Variants in COMMD1 observed in about 807,000 individuals in gnomAD.
The protein encoded by COMMD1 is copper metabolism domain containing 1, also known as COMM domain-containing protein 1.
In COMMD1, 10 loss-of-function variants were observed where a neutral mutation model predicts 17.2. That is an observed-to-expected ratio of 0.58 (90% CI 0.36 to 0.99). The LOEUF is 0.99. Ranked by LOEUF, COMMD1 falls within the 50% of genes least tolerant of loss-of-function variation. The pLI is 0.01. For synonymous variants in COMMD1, 97 were observed against 91.6 expected, an observed-to-expected ratio of 1.06 and a Z score of -0.34; for missense variants, 270 against 231.8, an observed-to-expected ratio of 1.17 and a Z score of -1.07.
chr2:62,023,763 G>T (rs535032180), intron 2 of COMMD1, among the ~76,000 whole-genome samples: 1 of 152,294 alleles, frequency 6.6e-6, no homozygotes, highest in East Asian at 1.9e-4. Context: ...GGGATTACAG[G>T]CATGAGCCAC....
At chr2:62,122,245 C>G (rs979016146) in intron 2 of COMMD1, among the ~76,000 whole-genome samples, 5 of 152,158 alleles carry the variant, frequency 3.3e-5, no homozygotes, top group African/African-American at 1.2e-4. Context: ...AGTGCTGGCG[C>G]TTACGTAAAT....
At chr2:61,968,199 C>T (rs1455656158) in intron 1 of COMMD1, among the ~76,000 whole-genome samples, 1 of 151,754 alleles carries the variant, frequency 6.6e-6, no homozygotes, top group East Asian at 1.9e-4. Context: ...TGGTGCCAAA[C>T]ATAGTCTATA....
chr2:62,051,937 T>C (rs1184759716), intron 2 of COMMD1, among the ~76,000 whole-genome samples: 2 of 152,224 alleles, frequency 1.3e-5, no homozygotes, highest in Non-Finnish European at 2.9e-5. Flanking sequence ...CAAATGGCTC[T>C]TCAGACATGC....
At chr2:62,131,590 T>TAG (rs1673035032) in intron 2 of COMMD1, among the ~76,000 whole-genome samples, 3 of 152,168 alleles carry the variant, frequency 2.0e-5, no homozygotes, top group African/African-American at 7.2e-5. Context: ...TTGCCAAGGC[T>TAG]AGAGTCCAGT....
At chr2:61,922,531 G>A (rs570094894) in intron 1 of COMMD1, among the ~76,000 whole-genome samples, 1 of 152,216 alleles carries the variant, frequency 6.6e-6, no homozygotes, top group South Asian at 2.1e-4. Context: ...GGCCAGGCTG[G>A]TCTCAAACTC....
At chr2:62,129,088 A>G (rs1328693026) in intron 2 of COMMD1, among the ~76,000 whole-genome samples, 2 of 152,150 alleles carry the variant, frequency 1.3e-5, no homozygotes, top group Non-Finnish European at 2.9e-5. Flanking sequence ...GCTCTGCTCA[A>G]CCTTGGAGTT....
intron 1 of COMMD1, among the ~76,000 whole-genome samples, chr2:61,930,280 G>A (rs1055737723): frequency 2.6e-5 from 4 of 152,206 alleles, no homozygotes; most frequent in Middle Eastern, 6.8e-3. Context: ...TTCTAAGGCC[G>A]GTCATGGTGG....
intron 2 of COMMD1, among the ~76,000 whole-genome samples, chr2:62,077,721 C>T (rs1558589074): frequency 6.6e-6 from 1 of 151,954 alleles, no homozygotes; most frequent in Admixed American, 6.6e-5. Context: ...TGAGAGTGGT[C>T]ATGGCCCGTG....
At chr2:61,954,369 G>C (rs1308478769) in intron 1 of COMMD1, among the ~76,000 whole-genome samples, 1 of 152,112 alleles carries the variant, frequency 6.6e-6, no homozygotes, top group African/African-American at 2.4e-5. Context: ...TGGTTTATGA[G>C]TTATAGCAGA....
At chr2:62,017,679 G>GAA (rs112202987) in intron 2 of COMMD1, among the ~76,000 whole-genome samples, 1 of 141,998 alleles carries the variant, frequency 7.0e-6, no homozygotes, top group African/African-American at 2.6e-5. Context: ...TCCAAAAAAA[G>GAA]AAAAAAAAAA....
chr2:61,917,711 T>G (rs909168351), intron 1 of COMMD1, among the ~76,000 whole-genome samples: 1 of 152,174 alleles, frequency 6.6e-6, no homozygotes, highest in African/African-American at 2.4e-5. Context: ...TTTTGCATTT[T>G]TAGTAGAGAC....
At chr2:61,904,963 T>C (rs1367191146), upstream of COMMD1, among the ~76,000 whole-genome samples, 1 of 152,272 alleles carries the variant, frequency 6.6e-6, no homozygotes, top group Non-Finnish European at 1.5e-5. Context: ...TGGCTTCTTT[T>C]ACTAATCCTG....
At chr2:61,898,381 C>T (rs556473776) in intron 1 of COMMD1, among the ~76,000 whole-genome samples, 1 of 152,232 alleles carries the variant, frequency 6.6e-6, no homozygotes, top group South Asian at 2.1e-4. Context: ...GAGGTTGAGG[C>T]AGAAGGATAG....
At chr2:61,963,438 C>T (rs145733010) in intron 1 of COMMD1, among the ~76,000 whole-genome samples, 4 of 152,110 alleles carry the variant, frequency 2.6e-5, no homozygotes, top group Admixed American at 2.6e-4. Flanking sequence ...CTCACTGCAA[C>T]CTGGGCCACC....
chr2:62,010,623 C>G (rs1669251091), intron 2 of COMMD1, among the ~76,000 whole-genome samples: 2 of 152,058 alleles, frequency 1.3e-5, no homozygotes, highest in Non-Finnish European at 2.9e-5. Context: ...AACCTGTTCC[C>G]CCTGCATTTT....
chr2:61,939,430 C>T (rs1670683345), intron 1 of COMMD1, among the ~76,000 whole-genome samples: 2 of 151,078 alleles, frequency 1.3e-5, no homozygotes, highest in South Asian at 4.2e-4. Flanking sequence ...TGCGCCACTG[C>T]ACTCCAGCCT....
rs192920508 is a variant in COMMD1 at position 61,945,123 on chromosome 2, A to C, written c.180+39265A>C. Among the ~76,000 whole-genome samples, 26 of 152,310 alleles carry C rather than the reference A, an allele frequency of 1.7e-4. 1 individual carries two copies. Among genetic ancestry groups the C allele is most frequent in the Admixed American group, 1.5e-3 (23 of 15,284 alleles). On this transcript the variant is annotated intron_variant, in intron 1 of 2. Transcript: ENST00000311832. ...ATGATTACTGAGTGCTCCAATGGTA[A>C]GGTGAAATTAAGACCAGCTGATTGT...
intron 1 of COMMD1, among the ~76,000 whole-genome samples, chr2:61,923,196 A>G (rs1332870039): frequency 1.3e-5 from 2 of 152,190 alleles, no homozygotes; most frequent in Non-Finnish European, 2.9e-5. Flanking sequence ...TTATTAAATT[A>G]TAAACCTTCA....
intron 2 of COMMD1, among the ~76,000 whole-genome samples, chr2:62,125,104 T>C (rs1672852447): frequency 6.6e-6 from 1 of 152,208 alleles, no homozygotes; most frequent in Non-Finnish European, 1.5e-5. Context: ...TCCAGGAAAA[T>C]CACTAATTGT....
Sources: gnomAD v4.1 joint callset for allele counts (sites outside exome capture counted in the v4.1 genomes callset) on GRCh38, gnomAD v4.1.1 for gene constraint, MANE v1.5 for transcripts, NCBI Gene and HGNC (gene_info 2026-07-23, HGNC 2026-07-21) for gene names.